Variants in GAK observed in about 807,000 individuals in gnomAD.
GAK encodes cyclin-G-associated kinase.
Under a neutral mutation model 143.9 loss-of-function variants are expected in GAK, and 79 were observed. That is an observed-to-expected ratio of 0.55 (90% CI 0.46 to 0.66). The LOEUF (loss-of-function observed/expected upper bound fraction) is 0.66, where lower values mean the gene tolerates loss of function less well. GAK is among the 30% of genes least tolerant of loss of function. GAK has a pLI of 0.00. For missense variants in GAK, 1,693 were observed against 1,779.7 expected, an observed-to-expected ratio of 0.95 and a Z score of 0.88; for synonymous variants, 881 against 765.5, an observed-to-expected ratio of 1.15 and a Z score of -2.49.
At chr4:909,574 A>G (rs1721677631) in intron 4 of GAK, among the ~76,000 whole-genome samples, 1 of 152,088 alleles carries the variant, frequency 6.6e-6, no homozygotes, top group Admixed American at 6.5e-5. Context: ...AGCACGGACC[A>G]CACAGCACAG....
rs1333172790 is a variant in GAK at position 876,575 on chromosome 4, T to A, written c.2009A>T (p.His670Leu). ...GGCGTTCCGAGGCACAAACCCCGTG[T>A]GGAACTGAATCTGGAACATCTTCAT... ...ASMKMFQIQF[H>L]TGFVPRNATT... Residue 670 changes from histidine (H) to leucine (L), a missense_variant, in exon 18 of 28, where the codon CAC (histidine) becomes CTC (leucine). This residue lies in a region of GAK where 871 missense variants were observed against 991.0 expected (regional missense o/e 0.88). Transcript: ENST00000314167. 1.2e-6 allele frequency: 2 copies of A among 1,613,982 alleles called. No homozygotes were observed. The highest frequency in any genetic ancestry group is 1.7e-6 in the Non-Finnish European group (2 of 1,180,040).
chr4:865,367 G>A, intron 22 of GAK, 123 bp from the exon 23 acceptor site: 2 of 1,261,880 alleles, frequency 1.6e-6, no homozygotes, highest in Non-Finnish European at 2.2e-6. Context: ...GCTGAGCTGA[G>A]GCTGGGCTGA....
chr4:870,835 C>T lies in GAK; in HGVS notation c.2124G>A (p.Glu708=), dbSNP rs776718442. 2 of 1,614,128 alleles carry T rather than the reference C, an allele frequency of 1.2e-6. No individual in the cohort carries two copies. The highest frequency in any genetic ancestry group is 1.7e-6 in the Non-Finnish European group (2 of 1,180,006). The part of the protein sequence containing the change: ...PDLFQVNLEV[E]VEPRDRPSRE... ...GGCTCGGCCTGTCCCTGGGCTCCAC[C>T]TCCACTTCCAGGTTCACTTGAAATA... Residue 708 remains glutamate, a synonymous_variant, in exon 19 of 28, where the codon GAG becomes GAA. Transcript: ENST00000314167.
chr4:867,076 G>T lies in GAK; in HGVS notation c.2752C>A (p.Pro918Thr). The change falls in exon 21 of 28, where the codon CCT (proline) becomes ACT (threonine). Residue 918 changes from proline to threonine, a missense_variant. This residue lies in a region of GAK where 822 missense variants were observed against 788.7 expected (regional missense o/e 1.04). Coordinates refer to ENST00000314167, the MANE Select transcript of GAK (RefSeq NM_005255.4). ...GGGGGCCCCTGGGAGGCGGCCTCAG[G>T]GGGCCCAAGGAGGCAGCTGAGCAGG... Reference protein sequence around the residue: ...TDLLSCLLGPPEAASQGPPED... With the variant: ...TDLLSCLLGPTEAASQGPPED... 1.3e-6 allele frequency: 2 copies of T among 1,540,306 alleles called. No homozygotes were observed. Among genetic ancestry groups the T allele is most frequent in the Non-Finnish European group, 1.7e-6 (2 of 1,143,124 alleles).
intron 11 of GAK, among the ~76,000 whole-genome samples, chr4:885,202 C>T (rs1424013632): frequency 6.6e-6 from 1 of 152,178 alleles, no homozygotes; most frequent in African/African-American, 2.4e-5. Context: ...GAGCCTGACG[C>T]TTGGCCACTT....
At chr4:862,925 G>A (rs1489858661) in intron 23 of GAK, among the ~76,000 whole-genome samples, 1 of 152,224 alleles carries the variant, frequency 6.6e-6, no homozygotes, top group African/African-American at 2.4e-5. Flanking sequence ...CATCTGTTCT[G>A]CAGCCCTTGG....
intron 7 of GAK, 25 bp from the exon 8 acceptor site, chr4:894,034 C>G: frequency 6.4e-7 from 1 of 1,567,770 alleles, no homozygotes; most frequent in Non-Finnish European, 8.6e-7. Context: ...GGGGTGATGC[C>G]TAGGCCCACG....
At chr4:884,166 G>C in intron 11 of GAK, 80 bp from the exon 12 acceptor site, 1 of 1,302,740 alleles carries the variant, frequency 7.7e-7, no homozygotes, top group Non-Finnish European at 1.1e-6. Flanking sequence ...CAGAGCCCGA[G>C]GCCTGGAGAA....
intron 26 of GAK, 143 bp downstream of exon 26, chr4:850,793 C>A (rs1025733197): frequency 6.7e-6 from 6 of 900,244 alleles, no homozygotes; most frequent in Non-Finnish European, 9.6e-6. Context: ...TGTCTGGAGA[C>A]GCCGGCTCCA....
intron 8 of GAK, 120 bp downstream of exon 8, chr4:893,754 A>G (rs1718154390): frequency 5.7e-6 from 7 of 1,233,642 alleles, no homozygotes; most frequent in Middle Eastern, 2.1e-4. Flanking sequence ...TGTCAAAACT[A>G]TGGTGACGGG....
At chr4:850,816 G>A in intron 26 of GAK, 120 bp downstream of exon 26, 6 of 1,128,824 alleles carry the variant, frequency 5.3e-6, no homozygotes, top group Non-Finnish European at 3.7e-6. Flanking sequence ...TGGTACAGCA[G>A]ATGCTCCAGG....
intron 24 of GAK, among the ~76,000 whole-genome samples, chr4:857,598 G>A (rs1036510523): frequency 5.9e-5 from 9 of 152,146 alleles, no homozygotes; most frequent in Non-Finnish European, 1.0e-4. Context: ...GCACAGAGGC[G>A]CCTGCACCCG....
In GAK at chr4:912,758, T is replaced by C; in HGVS notation, c.244A>G (p.Ile82Val). 2 of 1,614,006 alleles carry C rather than the reference T, an allele frequency of 1.2e-6. No homozygotes were observed. Among genetic ancestry groups the C allele is most frequent in the Non-Finnish European group, 1.7e-6 (2 of 1,179,900 alleles). ...LSNEEEKNRA[I>V]IQEVCFMKKL... is the part of the protein sequence containing the mutation. ...ACCATGAAGCAAACTTCTTGAATGA[T>C]GGCTCTGTTCTTTTCCTCTTCATTG... The change falls in exon 3 of 28, where the codon ATC (isoleucine) becomes GTC (valine). Residue 82 changes from isoleucine (I) to valine (V), a missense_variant. By Grantham distance (29) the Ile-to-Val change is conservative. Coordinates refer to ENST00000314167, the MANE Select transcript of GAK (RefSeq NM_005255.4).
Position 893,898 on chromosome 4 carries a change from A to G in GAK, c.853T>C (p.Tyr285His), listed in dbSNP as rs975963115. ...CGGATGAGGCTGTGGAAGACCGTGTACTGCGTGTCGTGCGGGGGGATCGAG... is the reference window on the plus strand; with the variant it reads ...CGGATGAGGCTGTGGAAGACCGTGTGCTGCGTGTCGTGCGGGGGGATCGAG... ...KYSIPPHDTQ[Y>H]TVFHSLIRAM... Residue 285 changes from tyrosine (Y) to histidine (H), a missense_variant, in exon 8 of 28, where the codon TAC becomes CAC. By Grantham distance (83) the Tyr-to-His change is moderately conservative (BLOSUM62 2). Transcript: ENST00000314167. 1 of 1,608,088 alleles carries G rather than the reference A, an allele frequency of 6.2e-7. No homozygotes were observed. The highest frequency in any genetic ancestry group is 1.7e-5 in the Admixed American group (1 of 59,646).
chr4:868,894 A>T, intron 19 of GAK: 1 of 579,696 alleles, frequency 1.7e-6, no homozygotes. Context: ...ATGCGTGCAC[A>T]CTTGGGCACA....
In GAK at chr4:901,491, G is replaced by A. The variant is rs1026522271; in HGVS notation, c.525+3146C>T. On this transcript the variant is annotated intron_variant, in intron 5 of 27. Coordinates refer to ENST00000314167, the MANE Select transcript of GAK (RefSeq NM_005255.4). ...CCCACGAGCAGACGCTGGAGAGGAG[G>A]CGGGGCCCAGGTGGCTGCATGGGCA... 3.8e-4 allele frequency among the ~76,000 whole-genome samples: 58 copies of A among 152,388 alleles called. 2 individuals are homozygous for A. Among genetic ancestry groups the A allele is most frequent in the Non-Finnish European group, 1.3e-4 (9 of 68,032 alleles).
At chr4:887,926 T>A (rs1455630664) in intron 11 of GAK, 3 of 152,242 alleles carry the variant, frequency 2.0e-5, no homozygotes, top group Non-Finnish European at 4.4e-5. Flanking sequence ...TGTTCACATA[T>A]GTATGTTAAC....
At position 849,681 on chromosome 4, in the gene GAK, G is replaced by C. The variant is rs1747708292; in HGVS notation, c.3928C>G (p.Leu1310Val). The C allele has an allele frequency of 6.2e-7, 1 of 1,612,118 alleles. No individual in the cohort carries two copies. Among genetic ancestry groups the C allele is most frequent in the Non-Finnish European group, 8.5e-7 (1 of 1,178,960 alleles). Residue 1310 changes from leucine (L) to valine (V), a missense_variant, in exon 28 of 28, where the codon CTC (leucine) becomes GTC (valine). By Grantham distance (32) the Leu-to-Val change is conservative (BLOSUM62 1). Around this residue, in one of 2 missense-constraint regions of GAK, gnomAD observed 822 missense variants for 788.7 expected, o/e 1.04. Coordinates refer to ENST00000314167, the MANE Select transcript of GAK (RefSeq NM_005255.4). Reference sequence around the variant, plus strand: ...CCACCACCACTGCGGCCTCAGAAGAGGGGCCGGGAGCCCTGGTTCTCAAAC... The same window carrying C: ...CCACCACCACTGCGGCCTCAGAAGACGGGCCGGGAGCCCTGGTTCTCAAAC... Reference protein sequence around the residue: ...SEFENQGSRPLF With the variant: ...SEFENQGSRPVF
chr4:891,028 G>C (rs570063838), intron 9 of GAK, among the ~76,000 whole-genome samples: 2 of 151,038 alleles, frequency 1.3e-5, no homozygotes, highest in East Asian at 3.9e-4. Context: ...CACGATCTCA[G>C]CTCACCGCAA....
Sources: allele counts gnomAD v4.1 joint callset (sites outside exome capture counted in the v4.1 genomes callset), GRCh38; gene constraint gnomAD v4.1.1; regional missense constraint gnomAD v4.1.1; transcripts MANE v1.5; gene names NCBI Gene and HGNC (gene_info 2026-07-23, HGNC 2026-07-21).